The following WDFY4 variants were observed in gnomAD, a reference collection of about 807,000 sequenced individuals.
The protein encoded by WDFY4 is WDFY family member 4, also known as WD repeat- and FYVE domain-containing protein 4.
A neutral mutation model predicts 351.9 loss-of-function variants in WDFY4; 169 were observed. The ratio of observed to expected loss-of-function variants is 0.48; its 90% CI spans 0.42 to 0.55. The LOEUF (loss-of-function observed/expected upper bound fraction) is 0.55, where lower values mean the gene tolerates loss of function less well. Ranked by LOEUF, WDFY4 falls within the 20% of genes least tolerant of loss-of-function variation. WDFY4 has a pLI of 0.00. For synonymous variants in WDFY4, 1,622 were observed against 1,574.6 expected (o/e 1.03, Z -0.71); for missense variants, 3,803 against 3,935.6 (o/e 0.97, Z 0.90).
intron 47 of WDFY4, among the ~76,000 whole-genome samples, chr10:48,940,561 C>G (rs779459963): frequency 6.6e-6 from 1 of 152,210 alleles, no homozygotes; most frequent in African/African-American, 2.4e-5. Context: ...GGTCCTGACA[C>G]AGACCATGCA....
intron 40 of WDFY4, 28 bp from the exon 41 acceptor site, chr10:48,873,463 C>G (rs557503998): frequency 3.3e-4 from 498 of 1,523,492 alleles, no homozygotes; most frequent in Admixed American, 8.3e-4. Flanking sequence ...GCAAATGTAT[C>G]CAGGGTGACT....
intron 25 of WDFY4, 126 bp downstream of exon 25, chr10:48,803,485 C>A: frequency 2.2e-6 from 2 of 894,306 alleles, no homozygotes; most frequent in South Asian, 1.6e-5. Flanking sequence ...GGGAGCACAT[C>A]CTTCCCAGTG....
intron 36 of WDFY4, 31 bp from the exon 37 acceptor site, chr10:48,828,747 G>A (rs1171136484): frequency 7.5e-7 from 1 of 1,326,008 alleles, no homozygotes; most frequent in East Asian, 2.6e-5. Context: ...GGAATTTATT[G>A]GATTTTAGTG....
chr10:48,876,892 G>T, intron 42 of WDFY4, 141 bp from the exon 43 acceptor site: 2 of 784,992 alleles, frequency 2.5e-6, no homozygotes, highest in Non-Finnish European at 3.7e-6. Flanking sequence ...AGCAGTGGAG[G>T]GGCACAGTGA....
At chr10:48,700,000 GC>G (rs1364139550) in intron 1 of WDFY4, among the ~76,000 whole-genome samples, 1 of 152,150 alleles carries the variant, frequency 6.6e-6, no homozygotes, top group African/African-American at 2.4e-5. Flanking sequence ...AAACTCTGGG[GC>G]TGGGGTTCAG....
intron 47 of WDFY4, among the ~76,000 whole-genome samples, chr10:48,924,441 G>A (rs1839396693): frequency 6.6e-6 from 1 of 152,238 alleles, no homozygotes; most frequent in Non-Finnish European, 1.5e-5. Flanking sequence ...CCACACAAGG[G>A]AAGCTGATAG....
rs1008748479 is a variant in WDFY4 at position 48,824,249 on chromosome 10, C to T, written c.5982+1712C>T. 3.2e-6 allele frequency: 3 copies of T among 936,824 alleles called. No individual in the cohort carries two copies. The African/African-American group carries it at 5.3e-5, about 17-fold the overall frequency. 58.0% of individuals were successfully genotyped at this position (936,824 alleles called of 1,614,324 possible). On this transcript the variant is annotated intron_variant, in intron 35 of 61. Coordinates refer to ENST00000325239, the MANE Select transcript of WDFY4 (RefSeq NM_001394531.1). ...TGCTGAACCACCCAGCCTCTCTGAC[C>T]CTTAGCCTCTTATCCGTACAGTGGG...
At chr10:48,798,828 GC>G (rs1335623362) in intron 24 of WDFY4, among the ~76,000 whole-genome samples, 2 of 152,198 alleles carry the variant, frequency 1.3e-5, no homozygotes, top group Non-Finnish European at 2.9e-5. Flanking sequence ...AGGCATAAGA[GC>G]CCTAAATATG....
intron 25 of WDFY4, chr10:48,804,776 A>AAG (rs553136081): frequency 3.8e-5 from 37 of 983,608 alleles, no homozygotes; most frequent in Non-Finnish European, 4.5e-5. Context: ...TATCTGAGGG[A>AAG]GGGGGTATGG....
intron 19 of WDFY4, among the ~76,000 whole-genome samples, chr10:48,781,303 T>C (rs914938130): frequency 3.9e-5 from 6 of 152,120 alleles, no homozygotes; most frequent in South Asian, 2.1e-4. Flanking sequence ...TATATATATA[T>C]ATGTTTTTTT....
At chr10:48,890,484 C>A in intron 43 of WDFY4, 95 bp from the exon 44 acceptor site, 1 of 1,445,726 alleles carries the variant, frequency 6.9e-7, no homozygotes, top group Non-Finnish European at 9.4e-7. Flanking sequence ...CCTCCAATTG[C>A]CCCATGGATG....
intron 39 of WDFY4, 99 bp from the exon 40 acceptor site, chr10:48,867,166 T>C (rs1261836871): frequency 4.1e-6 from 2 of 490,520 alleles, no homozygotes; most frequent in Non-Finnish European, 5.7e-6. Context: ...TGAGACTGTG[T>C]CTCAAAAAAT....
chr10:48,975,787 T>A (rs1265445141), intron 58 of WDFY4, among the ~76,000 whole-genome samples: 1 of 151,894 alleles, frequency 6.6e-6, no homozygotes, highest in African/African-American at 2.4e-5. Context: ...GGTGGATAGA[T>A]GAGTGGATGG....
At chr10:48,706,720 G>C (rs1225799006) in intron 1 of WDFY4, among the ~76,000 whole-genome samples, 1 of 152,154 alleles carries the variant, frequency 6.6e-6, no homozygotes, top group Non-Finnish European at 1.5e-5. Flanking sequence ...TTTCCTTTTA[G>C]AAATTCAGGA....
At chr10:48,912,596 C>G (rs1484043319) in intron 47 of WDFY4, among the ~76,000 whole-genome samples, 2 of 152,236 alleles carry the variant, frequency 1.3e-5, no homozygotes, top group African/African-American at 4.8e-5. Context: ...AAGCTTTCCC[C>G]AAAGGGACAC....
rs957764807 is a variant in WDFY4, at chr10:48,963,773, A to C, written c.8224-69A>C. 2.7e-6 allele frequency: 4 copies of C among 1,464,806 alleles called. No homozygotes were observed. In the African/African-American group the frequency reaches 5.6e-5, roughly 21 times the overall value. 90.7% of individuals were successfully genotyped at this position (1,464,806 alleles called of 1,614,324 possible). On this transcript the variant is annotated intron_variant, in intron 53 of 61. Coordinates refer to ENST00000325239, the MANE Select transcript of WDFY4 (RefSeq NM_001394531.1). ...GCACTCTGAAGCATGTGCCCCTTCC[A>C]ATCTGTGCAGCGAGTGCATGAGTCC...
chr10:48,787,898 TTCTTC>T lies in WDFY4; in HGVS notation c.3809-630_3809-626del, dbSNP rs1565198531. Among the ~76,000 whole-genome samples, 207 of 29,414 alleles carry T rather than the reference TTCTTC, an allele frequency of 7.0e-3. 6 individuals are homozygous for T. Among genetic ancestry groups the T allele is most frequent in the African/African-American group, 0.014 (90 of 6,566 alleles). 19.3% of individuals were successfully genotyped at this position (29,414 alleles called of 152,430 possible). A position where few individuals can be genotyped will look rare whatever the true frequency, so the allele number is the denominator to read the frequency against. Reference sequence around the variant, plus strand: ...TCTTTCTTTCTTCTTCTTCTCCTTCTTCTTCTTCTTCTTCTTCTTCTTCTTCTTCT... The same window carrying T: ...TCTTTCTTTCTTCTTCTTCTCCTTCTTTCTTCTTCTTCTTCTTCTTCTTCT... On this transcript the variant is annotated intron_variant, in intron 20 of 61. Transcript: ENST00000325239.
chr10:48,897,030 G>A (rs1002841324), intron 44 of WDFY4, among the ~76,000 whole-genome samples: 15 of 152,084 alleles, frequency 9.9e-5, no homozygotes, highest in African/African-American at 3.6e-4. Context: ...AGGAACCCAC[G>A]AGGGCTCCTG....
intron 12 of WDFY4, chr10:48,745,851 T>C (rs962183425): frequency 1.2e-5 from 4 of 327,402 alleles, no homozygotes; most frequent in Admixed American, 4.8e-5. Context: ...CAAGGCAGCC[T>C]GGCCTCGCTG....
Sources: gnomAD v4.1 joint callset for allele counts (sites outside exome capture counted in the v4.1 genomes callset) on GRCh38, gnomAD v4.1.1 for gene constraint, MANE v1.5 for transcripts, NCBI Gene and HGNC (gene_info 2026-07-23, HGNC 2026-07-21) for gene names.